DAAM1: variants seen among roughly 807,000 people sequenced by gnomAD.
The protein encoded by DAAM1 is disheveled-associated activator of morphogenesis 1.
In DAAM1, 52 loss-of-function variants were observed where a neutral mutation model predicts 130.0. That is an observed-to-expected ratio of 0.40 (90% CI 0.32 to 0.50). The LOEUF (loss-of-function observed/expected upper bound fraction) is 0.50. Ranked by LOEUF, DAAM1 falls within the 20% of genes least tolerant of loss-of-function variation. The pLI, the probability that DAAM1 is intolerant of heterozygous loss-of-function variation, is 0.61. For synonymous variants in DAAM1, 452 were observed against 444.5 expected, an observed-to-expected ratio of 1.02 and a Z score of -0.21; for missense variants, 1,134 against 1,303.8, an observed-to-expected ratio of 0.87 and a Z score of 2.01.
chr14:59,220,138 G>C lies in DAAM1; in HGVS notation c.-38+31370G>C, dbSNP rs10131655. 3.6e-3 allele frequency among the ~76,000 whole-genome samples: 542 copies of C among 152,214 alleles called. 4 individuals are homozygous for C. Among genetic ancestry groups the C allele is most frequent in the African/African-American group, 0.012 (517 of 41,522 alleles). On this transcript the variant is annotated intron_variant, in intron 1 of 24. Coordinates refer to ENST00000360909, the MANE Select transcript of DAAM1 (RefSeq NM_001270520.2). Reference sequence around the variant, plus strand: ...CAAATTTCAAGGTCTCTCATCCCAAGATTTTGTTTTGCCAGAAGCTTCTGG... The same window carrying C: ...CAAATTTCAAGGTCTCTCATCCCAACATTTTGTTTTGCCAGAAGCTTCTGG...
intron 2 of DAAM1, among the ~76,000 whole-genome samples, chr14:59,279,498 A>G (rs1594796428): frequency 6.6e-6 from 1 of 152,188 alleles, no homozygotes; most frequent in East Asian, 1.9e-4. Flanking sequence ...GCCTATCTAA[A>G]TGAATATGCA....
intron 2 of DAAM1, among the ~76,000 whole-genome samples, chr14:59,273,140 G>A (rs1369897404): frequency 6.6e-6 from 1 of 152,152 alleles, no homozygotes; most frequent in African/African-American, 2.4e-5. Flanking sequence ...GATTTCTTAA[G>A]TTTCCTTCTA....
At position 59,368,658 on chromosome 14, in the gene DAAM1, A is replaced by G. The variant is rs1175659928; in HGVS notation, c.3006A>G (p.Glu1002=). The change falls in exon 25 of 25, where the codon GAA becomes GAG. Residue 1002 remains glutamate, a synonymous_variant. Coordinates refer to ENST00000360909, the MANE Select transcript of DAAM1 (RefSeq NM_001270520.2). ...RRARMEAQLK[E]QRERERKMRK... is the part of the protein sequence containing the mutation. ...TTTCTTTCTATTTGCAGCTCAAAGAACAACGTGAAAGGGAACGTAAAATGA... is the reference window on the plus strand; with the variant it reads ...TTTCTTTCTATTTGCAGCTCAAAGAGCAACGTGAAAGGGAACGTAAAATGA... The G allele has an allele frequency of 6.2e-7, 1 of 1,612,574 alleles. No individual in the cohort carries two copies. The highest frequency in any genetic ancestry group is 8.5e-7 in the Non-Finnish European group (1 of 1,179,234).
intron 1 of DAAM1, among the ~76,000 whole-genome samples, chr14:59,205,659 G>T (rs1466113890): frequency 1.3e-5 from 2 of 152,138 alleles, no homozygotes; most frequent in Non-Finnish European, 2.9e-5. Context: ...TGTCCTTAAA[G>T]ACATGATGTA....
At chr14:59,307,452 G>C (rs1231565221) in intron 3 of DAAM1, among the ~76,000 whole-genome samples, 1 of 152,140 alleles carries the variant, frequency 6.6e-6, no homozygotes, top group African/African-American at 2.4e-5. Flanking sequence ...TTCATGCCAT[G>C]CTTTTAAAAA....
chr14:59,252,977 T>C (rs1881713755), intron 1 of DAAM1, among the ~76,000 whole-genome samples: 1 of 152,230 alleles, frequency 6.6e-6, no homozygotes, highest in African/African-American at 2.4e-5. Flanking sequence ...CATGGGCTGC[T>C]TGGAAGCTCA....
intron 3 of DAAM1, 109 bp from the exon 4 acceptor site, chr14:59,315,171 T>A: frequency 1.1e-6 from 1 of 950,330 alleles, no homozygotes; most frequent in Non-Finnish European, 1.7e-6. Flanking sequence ...CTTCGTGTCT[T>A]CTAAAGGCTT....
At chr14:59,269,569 G>T (rs1173303296) in intron 2 of DAAM1, among the ~76,000 whole-genome samples, 1 of 152,202 alleles carries the variant, frequency 6.6e-6, no homozygotes, top group Non-Finnish European at 1.5e-5. Flanking sequence ...TGAGTAAAAT[G>T]AAGGGCATTT....
chr14:59,189,686 C>T (rs1323419535), intron 1 of DAAM1, among the ~76,000 whole-genome samples: 1 of 152,158 alleles, frequency 6.6e-6, no homozygotes, highest in Admixed American at 6.5e-5. Flanking sequence ...GTTCTGAAAG[C>T]CAACTGCTTG....
In DAAM1 at chr14:59,368,996, T is replaced by C. The variant is rs1232143965; in HGVS notation, c.*137T>C. 1.2e-5 allele frequency: 8 copies of C among 690,152 alleles called. No homozygotes were observed. The highest frequency in any genetic ancestry group is 5.8e-5 in the Admixed American group (2 of 34,314). 42.8% of individuals were successfully genotyped at this position (690,152 alleles called of 1,614,324 possible). Reference sequence around the variant, plus strand: ...GTGAGTGAATGTGTGAACGTGTGTATGTAAATGTATGTGTGTATATATTAA... The same window carrying C: ...GTGAGTGAATGTGTGAACGTGTGTACGTAAATGTATGTGTGTATATATTAA... On this transcript the variant is annotated 3_prime_UTR_variant, in exon 25 of 25. Transcript: ENST00000360909.
intron 1 of DAAM1, among the ~76,000 whole-genome samples, chr14:59,208,951 C>T (rs1888347405): frequency 6.6e-6 from 1 of 152,182 alleles, no homozygotes; most frequent in Non-Finnish European, 1.5e-5. Context: ...TGTAAGCTTC[C>T]TGGGCCTCAC....
At chr14:59,296,513 A>G (rs1359087216) in intron 3 of DAAM1, among the ~76,000 whole-genome samples, 2 of 152,222 alleles carry the variant, frequency 1.3e-5, no homozygotes, top group Non-Finnish European at 2.9e-5. Flanking sequence ...TGGTCCTGGT[A>G]GGAGAAGCAG....
At chr14:59,281,598 AC>A (rs1356876851) in intron 2 of DAAM1, among the ~76,000 whole-genome samples, 2 of 152,032 alleles carry the variant, frequency 1.3e-5, no homozygotes, top group Non-Finnish European at 2.9e-5. Context: ...AGGGACCTTT[AC>A]CTGCTAAGGA....
chr14:59,283,426 T>TA (rs1015181784), intron 2 of DAAM1, among the ~76,000 whole-genome samples: 1 of 152,166 alleles, frequency 6.6e-6, no homozygotes, highest in African/African-American at 2.4e-5. Flanking sequence ...GAATTTTCTG[T>TA]AAAAAATCCC....
At chr14:59,281,941 C>T (rs897540986) in intron 2 of DAAM1, among the ~76,000 whole-genome samples, 10 of 152,066 alleles carry the variant, frequency 6.6e-5, no homozygotes, top group African/African-American at 1.4e-4. Flanking sequence ...CAGTTATTAT[C>T]GAATTTAATC....
At chr14:59,212,198 T>C (rs965558324) in intron 1 of DAAM1, among the ~76,000 whole-genome samples, 2 of 152,240 alleles carry the variant, frequency 1.3e-5, no homozygotes, top group African/African-American at 4.8e-5. Context: ...TTCTACTATT[T>C]AGGCTTAAAA....
At chr14:59,314,043 C>T (rs1414440158) in intron 3 of DAAM1, among the ~76,000 whole-genome samples, 1 of 152,208 alleles carries the variant, frequency 6.6e-6, no homozygotes, top group African/African-American at 2.4e-5. Flanking sequence ...TTTGAAATTG[C>T]ATTTCTTTTA....
intron 2 of DAAM1, among the ~76,000 whole-genome samples, chr14:59,283,620 T>A (rs1370875): frequency 0.31 from 47,398 of 152,022 alleles, 8,761 homozygotes; most frequent in East Asian, 0.56. Context: ...GTGTCAGGCA[T>A]TACTGCATGC....
chr14:59,347,759 G>GT, intron 17 of DAAM1, 136 bp downstream of exon 17: 1 of 768,144 alleles, frequency 1.3e-6, no homozygotes, highest in Admixed American at 2.5e-5. Context: ...AAGTTCCCAT[G>GT]TGACTCTGTT....
Sources: gnomAD v4.1 joint callset for allele counts (sites outside exome capture counted in the v4.1 genomes callset) on GRCh38, gnomAD v4.1.1 for gene constraint, MANE v1.5 for transcripts, NCBI Gene and HGNC (gene_info 2026-07-23, HGNC 2026-07-21) for gene names.